ANK3: variants seen among roughly 807,000 people sequenced by gnomAD.
ANK3 encodes ankyrin-3.
Under a neutral mutation model 370.9 loss-of-function variants are expected in ANK3, and 57 were observed. The observed-to-expected ratio is 0.15, with a 90% CI of 0.12 to 0.19. The LOEUF is 0.19. ANK3 is among the 10% of genes least tolerant of loss of function. The probability of loss-of-function intolerance (pLI) is 1.00; values close to 1 mark genes in which losing one functional copy is unlikely to be tolerated. For missense variants in ANK3, 4,439 were observed against 5,302.1 expected, an observed-to-expected ratio of 0.84 and a Z score of 5.06; for synonymous variants, 1,929 against 1,946.3, an observed-to-expected ratio of 0.99 and a Z score of 0.23.
intron 1 of ANK3, among the ~76,000 whole-genome samples, chr10:60,714,505 C>T (rs1188583375): frequency 6.6e-6 from 1 of 152,090 alleles, no homozygotes; most frequent in Non-Finnish European, 1.5e-5. Context: ...ACATCAAATC[C>T]AGTAATGTAT....
In ANK3 at chr10:60,696,211, G is replaced by C. The variant is rs547464864; in HGVS notation, c.57+37052C>G. Among the ~76,000 whole-genome samples the C allele has an allele frequency of 3.2e-4, 48 of 150,136 alleles. 1 individual carries two copies. The highest frequency in any genetic ancestry group is 6.5e-4 in the Non-Finnish European group (44 of 67,586). On this transcript the variant is annotated intron_variant, in intron 1 of 43. Coordinates refer to the ANK3 transcript ENST00000373827. ...CCCAAGACTAAACCAGGAAGAAGTTGAATCTCTGAATAGACCAATAACGGG... is the reference window on the plus strand; with the variant it reads ...CCCAAGACTAAACCAGGAAGAAGTTCAATCTCTGAATAGACCAATAACGGG...
At chr10:60,207,857 T>A (rs1046848940) in intron 10 of ANK3, among the ~76,000 whole-genome samples, 179 bp downstream of exon 10, 1 of 152,230 alleles carries the variant, frequency 6.6e-6, no homozygotes, top group African/African-American at 2.4e-5. Context: ...TCAGCCTTTC[T>A]CATGTCAGAA....
intron 8 of ANK3, among the ~76,000 whole-genome samples, chr10:60,226,540 A>AGTATATATACATATACTAT (rs2097158804): frequency 4.8e-5 from 4 of 83,224 alleles, no homozygotes; most frequent in African/African-American, 2.6e-4. Context: ...ATATATACAT[A>AGTATATATACATATACTAT]GTATATATAC....
At chr10:60,119,535 G>A (rs1222141814) in intron 25 of ANK3, among the ~76,000 whole-genome samples, 1 of 152,214 alleles carries the variant, frequency 6.6e-6, no homozygotes, top group Non-Finnish European at 1.5e-5. Flanking sequence ...GGGAGGCTGA[G>A]GTGGGTGGAT....
chr10:60,420,021 G>A (rs1030960981), intron 2 of ANK3, among the ~76,000 whole-genome samples: 8 of 152,026 alleles, frequency 5.3e-5, no homozygotes, highest in Admixed American at 3.9e-4. Flanking sequence ...CATCTGACAC[G>A]GATGATCTCC....
chr10:60,094,087 CAT>C (rs748367104), intron 28 of ANK3, among the ~76,000 whole-genome samples: 6 of 151,956 alleles, frequency 3.9e-5, no homozygotes, highest in Non-Finnish European at 8.8e-5. Context: ...TTAGTGTCTC[CAT>C]GTACTATTCC....
intron 2 of ANK3, among the ~76,000 whole-genome samples, chr10:60,509,280 ACT>A (rs1477596823): frequency 6.6e-6 from 1 of 152,094 alleles, no homozygotes; most frequent in African/African-American, 2.4e-5. Context: ...ATCTCCTCTA[ACT>A]CTAGCACAAC....
intron 1 of ANK3, among the ~76,000 whole-genome samples, chr10:60,693,396 C>G (rs1345422114): frequency 6.6e-6 from 1 of 152,232 alleles, no homozygotes. Flanking sequence ...GTGGAGCCCA[C>G]CACAGCTCAA....
chr10:60,453,807 G>C (rs1317629037), intron 2 of ANK3, among the ~76,000 whole-genome samples: 1 of 152,040 alleles, frequency 6.6e-6, no homozygotes, highest in African/African-American at 2.4e-5. Flanking sequence ...TGTTTCTGAA[G>C]TCATAACATC....
chr10:60,348,359 A>AC (rs1566757821), intron 1 of ANK3, among the ~76,000 whole-genome samples: 6 of 111,474 alleles, frequency 5.4e-5, no homozygotes, highest in Non-Finnish European at 4.0e-5. Flanking sequence ...AAAAAAAAAA[A>AC]AAAAAAAAAA....
intron 1 of ANK3, among the ~76,000 whole-genome samples, chr10:60,288,889 AACACACACAC>A (rs35560146): frequency 1.4e-4 from 20 of 139,326 alleles, no homozygotes; most frequent in African/African-American, 4.1e-4. Flanking sequence ...AGGTAGGAAT[AACACACACAC>A]ACACACACAC....
chr10:60,704,232 A>G (rs1191312767), intron 1 of ANK3, among the ~76,000 whole-genome samples: 1 of 152,234 alleles, frequency 6.6e-6, no homozygotes, highest in Non-Finnish European at 1.5e-5. Context: ...TAAGCCTCCA[A>G]GATGTTTTAA....
chr10:60,616,601 T>C (rs1443571866), intron 1 of ANK3, among the ~76,000 whole-genome samples: 1 of 152,182 alleles, frequency 6.6e-6, no homozygotes, highest in Admixed American at 6.6e-5. Flanking sequence ...TACTTCCTAG[T>C]ATTTATGATA....
At chr10:60,395,243 C>T (rs2063192374) in intron 2 of ANK3, among the ~76,000 whole-genome samples, 1 of 151,924 alleles carries the variant, frequency 6.6e-6, no homozygotes, top group Admixed American at 6.6e-5. Context: ...GATTTAGTAC[C>T]AAAAAATGCA....
At chr10:60,278,985 C>A (rs1054626863) in intron 3 of ANK3, 65 bp downstream of exon 3, 9 of 1,567,896 alleles carry the variant, frequency 5.7e-6, no homozygotes, top group South Asian at 1.1e-5. Context: ...CCCATTCTTA[C>A]TGAGGGCTGA....
At chr10:60,267,652 G>A (rs1234681779) in intron 5 of ANK3, among the ~76,000 whole-genome samples, 1 of 152,100 alleles carries the variant, frequency 6.6e-6, no homozygotes, top group African/African-American at 2.4e-5. Flanking sequence ...GTACTAGAGA[G>A]CTCTGAGAGT....
At chr10:60,671,356 C>G (rs2079062442) in intron 1 of ANK3, among the ~76,000 whole-genome samples, 1 of 152,162 alleles carries the variant, frequency 6.6e-6, no homozygotes. Flanking sequence ...TCCCTCTCCC[C>G]TCCCAGCCTT....
At chr10:60,128,631 T>C (rs927698329) in intron 25 of ANK3, among the ~76,000 whole-genome samples, 3 of 152,304 alleles carry the variant, frequency 2.0e-5, no homozygotes, top group Non-Finnish European at 2.9e-5. Context: ...TCCACCCACC[T>C]TGGCCTCCCA....
intron 42 of ANK3, among the ~76,000 whole-genome samples, chr10:60,050,289 T>C (rs2077691180): frequency 6.6e-6 from 1 of 152,222 alleles, no homozygotes; most frequent in African/African-American, 2.4e-5. Context: ...AAAGGAACCC[T>C]ATTGAGCTTA....
Sources: allele counts gnomAD v4.1 joint callset (sites outside exome capture counted in the v4.1 genomes callset), GRCh38; gene constraint gnomAD v4.1.1; transcripts MANE v1.5; gene names NCBI Gene and HGNC (gene_info 2026-07-23, HGNC 2026-07-21).